Variants in BCAS3 observed in about 807,000 individuals in gnomAD.
The protein encoded by BCAS3 is BCAS4/BCAS3 fusion.
In BCAS3, 53 loss-of-function variants were observed where a neutral mutation model predicts 116.1. That is an observed-to-expected ratio of 0.46 (90% CI 0.37 to 0.57). The LOEUF is 0.57. Among genes scored for constraint, BCAS3 ranks in the 20% least tolerant of loss-of-function variants. BCAS3 has a pLI of 0.00. For missense variants in BCAS3, 917 were observed against 1,165.4 expected (o/e 0.79, Z 3.10); for synonymous variants, 391 against 408.2 (o/e 0.96, Z 0.51).
chr17:61,050,395 G>GT (rs2068749252), intron 19 of BCAS3, among the ~76,000 whole-genome samples: 1 of 151,872 alleles, frequency 6.6e-6, no homozygotes, highest in South Asian at 2.1e-4. Flanking sequence ...TACTGTGTGT[G>GT]TACCTACGCA....
At chr17:61,044,617 T>G (rs2067876623) in intron 19 of BCAS3, among the ~76,000 whole-genome samples, 1 of 151,690 alleles carries the variant, frequency 6.6e-6, no homozygotes, top group South Asian at 2.1e-4. Context: ...GCATTTCATT[T>G]TAGACCTTTT....
intron 19 of BCAS3, among the ~76,000 whole-genome samples, chr17:61,054,321 G>C (rs1393268028): frequency 6.6e-6 from 1 of 152,052 alleles, no homozygotes; most frequent in Non-Finnish European, 1.5e-5. Context: ...TTACCAGTTG[G>C]GGAAAAAAAG....
chr17:61,096,627 T>G (rs1568344869), intron 22 of BCAS3, among the ~76,000 whole-genome samples: 1 of 152,246 alleles, frequency 6.6e-6, no homozygotes, highest in Admixed American at 6.5e-5. Flanking sequence ...GTAGAATCTC[T>G]TGGATTTTCT....
intron 7 of BCAS3, among the ~76,000 whole-genome samples, chr17:60,845,973 G>C (rs993394727): frequency 1.3e-5 from 2 of 150,974 alleles, no homozygotes; most frequent in African/African-American, 4.9e-5. Flanking sequence ...CTGTCACTCA[G>C]GCTGGAGTGC....
chr17:61,079,759 C>A (rs1201329523), intron 21 of BCAS3, among the ~76,000 whole-genome samples: 1 of 151,792 alleles, frequency 6.6e-6, no homozygotes, highest in Admixed American at 6.6e-5. Flanking sequence ...CCAGACCCAG[C>A]TAATTTTTGT....
intron 7 of BCAS3, among the ~76,000 whole-genome samples, chr17:60,847,315 A>G (rs1294011363): frequency 6.6e-6 from 1 of 152,156 alleles, no homozygotes; most frequent in Non-Finnish European, 1.5e-5. Context: ...TTTTTGTGTG[A>G]ACATATGCTT....
rs2066691904 is a variant in BCAS3 at position 61,032,135 on chromosome 17, G to A, written c.1638-2531G>A. ...AGAAAGTTTGCCATCTGGCCTGGAA[G>A]CAACTATTTTTAAGTCTGTTTAGGA... On this transcript the variant is annotated intron_variant, in intron 16 of 23. Transcript: ENST00000407086. The surrounding 1 kb of genome is among the most constrained non-coding windows in gnomAD (Gnocchi z 4.6). Among the ~76,000 whole-genome samples, 1 of 152,064 alleles carries A rather than the reference G, an allele frequency of 6.6e-6. No individual in the cohort carries two copies. The highest frequency in any genetic ancestry group is 1.5e-5 in the Non-Finnish European group (1 of 67,974).
chr17:60,968,009 T>A lies in BCAS3; in HGVS notation c.1221+20657T>A, dbSNP rs1045406590. Among the ~76,000 whole-genome samples, 51 of 152,110 alleles carry A rather than the reference T, an allele frequency of 3.4e-4. 1 individual carries two copies. Among genetic ancestry groups the A allele is most frequent in the Admixed American group, 1.8e-3 (28 of 15,274 alleles). On this transcript the variant is annotated intron_variant, in intron 14 of 23. Coordinates refer to ENST00000407086, the MANE Select transcript of BCAS3 (RefSeq NM_017679.5). ...GATCACTGAGTTTTCTTAAAACTGC[T>A]ATTTTGAATTCTTGGTCAGAGGGCT... is the stretch of plus-strand genomic sequence containing the variant.
intron 22 of BCAS3, among the ~76,000 whole-genome samples, chr17:61,260,921 C>G (rs994837922): frequency 1.3e-5 from 2 of 152,132 alleles, no homozygotes; most frequent in Non-Finnish European, 2.9e-5. Context: ...TGTACTGTTA[C>G]AGTTGAAAAG....
chr17:61,369,537 G>A (rs993150110), intron 23 of BCAS3, among the ~76,000 whole-genome samples: 5 of 152,168 alleles, frequency 3.3e-5, no homozygotes, highest in African/African-American at 7.2e-5. Context: ...CCACTTCCCC[G>A]TGGCTCCTCC....
rs1488543993 is a variant in BCAS3, at chr17:61,364,086, G to A, written c.2426-4241G>A. On this transcript the variant is annotated intron_variant, in intron 22 of 23. Coordinates refer to ENST00000407086, the MANE Select transcript of BCAS3 (RefSeq NM_017679.5). The surrounding 1 kb of genome is among the most constrained non-coding windows in gnomAD (Gnocchi z 5.4). ...CAGCGGGTATGGCAGAGCCTCTGAT[G>A]GGACTCCTAGCAGGATAAGCAGGAC... Among the ~76,000 whole-genome samples the A allele has an allele frequency of 2.0e-5, 3 of 152,194 alleles. No homozygotes were observed. Among genetic ancestry groups the A allele is most frequent in the Non-Finnish European group, 4.4e-5 (3 of 68,026 alleles).
intron 14 of BCAS3, among the ~76,000 whole-genome samples, chr17:60,969,661 A>C (rs1201364042): frequency 6.6e-6 from 1 of 152,214 alleles, no homozygotes; most frequent in Non-Finnish European, 1.5e-5. Flanking sequence ...AAAGACATAC[A>C]TTTACAACTT....
chr17:61,095,968 A>G lies in BCAS3; in HGVS notation c.2425+11404A>G, dbSNP rs1245687032. 6.6e-6 allele frequency among the ~76,000 whole-genome samples: 1 copy of G among 152,108 alleles called. No homozygotes were observed. Among genetic ancestry groups the G allele is most frequent in the African/African-American group, 2.4e-5 (1 of 41,420 alleles). The stretch of plus-strand genomic sequence containing the variant: ...CTGTATATCAAATTTGGAAGTATTG[A>G]CATCTTAAAAATACTAAATCTTTCA... On this transcript the variant is annotated intron_variant, in intron 22 of 23. Transcript: ENST00000407086. This position sits in a 1 kb window ranked among gnomAD's most constrained non-coding sequence, Gnocchi z 4.7.
chr17:61,368,346 G>C lies in BCAS3; in HGVS notation c.2445G>C (p.Val815=), dbSNP rs2058851950. The C allele has an allele frequency of 6.2e-7, 1 of 1,603,082 alleles. No homozygotes were observed. The highest frequency in any genetic ancestry group is 8.5e-7 in the Non-Finnish European group (1 of 1,171,160). ...DAASGTFDRS[V]TLLEVCGSWP... ...CCACAGGTACCTTTGACAGGAGCGT[G>C]ACCCTGCTGGAGGTGTGCGGGAGCT... is the stretch of plus-strand genomic sequence containing the variant. Residue 815 remains valine (V), a synonymous_variant, in exon 23 of 24, where the codon GTG becomes GTC. Coordinates refer to ENST00000407086, the MANE Select transcript of BCAS3 (RefSeq NM_017679.5). The surrounding 1 kb of genome is among the most constrained non-coding windows in gnomAD (Gnocchi z 6.0).
chr17:60,795,356 TCAGCAAACAGTGA>T (rs1490524918), intron 6 of BCAS3, among the ~76,000 whole-genome samples: 1 of 152,164 alleles, frequency 6.6e-6, no homozygotes, highest in Non-Finnish European at 1.5e-5. Flanking sequence ...GATCATATTG[TCAGCAAACAGTGA>T]CAGTTTGATT....
chr17:61,318,270 C>T lies in BCAS3; in HGVS notation c.2426-50057C>T, dbSNP rs371206300. Among the ~76,000 whole-genome samples, 57 of 152,332 alleles carry T rather than the reference C, an allele frequency of 3.7e-4. No individual in the cohort carries two copies. In the South Asian group the frequency reaches 0.011, roughly 30 times the overall value. On this transcript the variant is annotated intron_variant, in intron 22 of 23. Coordinates refer to ENST00000407086, the MANE Select transcript of BCAS3 (RefSeq NM_017679.5). ...AAGTTACTGAGGGTTCTACAGGTGA[C>T]GTCCATCTAGGCAGGAATAGAAGTT... is the stretch of plus-strand genomic sequence containing the variant.
At chr17:60,926,621 G>A (rs1422909302) in intron 13 of BCAS3, among the ~76,000 whole-genome samples, 1 of 152,126 alleles carries the variant, frequency 6.6e-6, no homozygotes, top group African/African-American at 2.4e-5. Flanking sequence ...CAGCCTGGAA[G>A]TTATGTCACT....
intron 19 of BCAS3, among the ~76,000 whole-genome samples, chr17:61,067,862 A>G (rs932128556): frequency 1.3e-5 from 2 of 152,044 alleles, no homozygotes; most frequent in Non-Finnish European, 2.9e-5. Flanking sequence ...ATTTGCTTAT[A>G]AATACTAAAA....
chr17:60,693,591 T>G (rs1294402603), intron 4 of BCAS3, among the ~76,000 whole-genome samples: 1 of 151,376 alleles, frequency 6.6e-6, no homozygotes, highest in African/African-American at 2.4e-5. Flanking sequence ...ATTTTTTGAC[T>G]TTTTGTAGTT....
Sources: gnomAD v4.1 joint callset for allele counts (sites outside exome capture counted in the v4.1 genomes callset) on GRCh38, gnomAD v4.1.1 for gene constraint, Gnocchi (gnomAD v3.1) non-coding constraint, MANE v1.5 for transcripts, NCBI Gene and HGNC (gene_info 2026-07-23, HGNC 2026-07-21) for gene names.